Variants in AK6 observed in about 807,000 individuals in gnomAD.
The protein encoded by AK6 is adenylate kinase isoenzyme 6.
AK6 carries 24 observed loss-of-function variants against 23.7 expected under a neutral mutation model. The ratio of observed to expected loss-of-function variants is 1.01; its 90% CI spans 0.73 to 1.43. AK6 has a LOEUF of 1.43. Ranked by LOEUF, AK6 falls within the 40% of genes most tolerant of loss-of-function variation. The pLI is 0.00. For synonymous variants in AK6, 73 were observed against 69.8 expected, an observed-to-expected ratio of 1.05 and a Z score of -0.23; for missense variants, 191 against 199.1, an observed-to-expected ratio of 0.96 and a Z score of 0.24.
chr5:69,362,842 A>G (rs1762277375), intron 2 of AK6, among the ~76,000 whole-genome samples: 1 of 152,234 alleles, frequency 6.6e-6, no homozygotes, highest in Non-Finnish European at 1.5e-5. Flanking sequence ...GGAGGGGGAA[A>G]AAATACTTTT....
At chr5:69,355,614 T>C (rs1762062689) in intron 4 of AK6, 35 bp downstream of exon 4, 1 of 1,550,610 alleles carries the variant, frequency 6.4e-7, no homozygotes, top group Non-Finnish European at 8.7e-7. Flanking sequence ...AAGTTAACAT[T>C]ATGCTTTAAG....
chr5:69,352,380 G>C lies in AK6; in HGVS notation c.327-127C>G, dbSNP rs1761969430. The C allele has an allele frequency of 4.5e-6, 3 of 666,714 alleles. No homozygotes were observed. In the East Asian group the frequency reaches 8.3e-5, roughly 18 times the overall value. The allele number at this position is 666,714 out of a possible 1,614,324, so 41.3% of individuals were successfully genotyped here. ...ATTACAGAAATGGTCTCTTCACCTA[G>C]AGAGGAGTGACTGGTACCTGTTTAT... On this transcript the variant is annotated intron_variant, in intron 4 of 4. Transcript: ENST00000380822.
At chr5:69,369,804 G>A, upstream of AK6, 10 of 1,224,910 alleles carry the variant, frequency 8.2e-6, no homozygotes, top group Non-Finnish European at 1.1e-5. Flanking sequence ...AGTCTGGAAG[G>A]TCCCCGGGAG....
chr5:69,359,096 A>G (rs1580308553), intron 2 of AK6, among the ~76,000 whole-genome samples: 2 of 151,732 alleles, frequency 1.3e-5, no homozygotes, highest in East Asian at 3.9e-4. Flanking sequence ...AAAAAAAAAA[A>G]TTAGCCCAGC....
Position 69,366,565 on chromosome 5 carries a change from C to T in AK6, c.59G>A (p.Gly20Asp). The change falls in exon 2 of 5, where the codon GGC (glycine) becomes GAC (aspartate). Residue 20 changes from glycine to aspartate, a missense_variant. Coordinates refer to ENST00000380822, the MANE Select transcript of AK6 (RefSeq NM_016283.5). ...TCCTGATTTTGACGCAAGTTCTTTG[C>T]CTAGTGTGGTTTTTCCAACCCCTGG... ...GTPGVGKTTL[G>D]KELASKSGLK... is the part of the protein sequence containing the mutation. 1 of 1,614,018 alleles carries T rather than the reference C, an allele frequency of 6.2e-7. No individual in the cohort carries two copies. Among genetic ancestry groups the T allele is most frequent in the Non-Finnish European group, 8.5e-7 (1 of 1,179,986 alleles).
intron 4 of AK6, among the ~76,000 whole-genome samples, chr5:69,352,843 T>C (rs535863722): frequency 2.6e-5 from 4 of 152,110 alleles, no homozygotes; most frequent in Admixed American, 2.0e-4. Flanking sequence ...CTGGCAGTTA[T>C]TGGAAGGGTC....
upstream of AK6, chr5:69,369,612 C>G: frequency 6.3e-7 from 1 of 1,578,328 alleles, no homozygotes; most frequent in Non-Finnish European, 8.6e-7. Context: ...CCCACCGCGG[C>G]GCCCCTAGCC....
At chr5:69,352,361 G>T in intron 4 of AK6, 108 bp from the exon 5 acceptor site, 1 of 818,428 alleles carries the variant, frequency 1.2e-6, no homozygotes, top group Non-Finnish European at 1.9e-6. Flanking sequence ...AAAAATTACA[G>T]AAATGGTCTC....
Position 69,351,051 on chromosome 5 carries a change from G to C in AK6, c.*1010C>G, listed in dbSNP as rs1010957640. 5.9e-5 allele frequency: 9 copies of C among 152,244 alleles called. No individual in the cohort carries two copies. The highest frequency in any genetic ancestry group is 2.2e-4 in the African/African-American group (9 of 41,454). The allele number at this position is 152,244 out of a possible 1,614,324, so 9.4% of individuals were successfully genotyped here. ...ATCCATAGAGACAGAAAGTAGACTA[G>C]TGACTGCAAGGGGATGAGGAGGAAA... On this transcript the variant is annotated 3_prime_UTR_variant, in exon 5 of 5. Coordinates refer to ENST00000380822, the MANE Select transcript of AK6 (RefSeq NM_016283.5).
rs1041518232 is a variant in AK6, at chr5:69,355,757, C to G, written c.218G>C (p.Gly73Ala). ...ACAACCATGGTAATCAACAATAACT[C>G]CACCTTCTCTCATTTGGTTATCTAA... ...DELDNQMREG[G>A]VIVDYHGCDF... The change falls in exon 4 of 5, where the codon GGA becomes GCA. Residue 73 changes from glycine (G) to alanine (A), a missense_variant. Gly to Ala is a moderately conservative substitution (Grantham distance 60). Coordinates refer to ENST00000380822, the MANE Select transcript of AK6 (RefSeq NM_016283.5). 6.2e-7 allele frequency: 1 copy of G among 1,612,824 alleles called. No individual in the cohort carries two copies. Among genetic ancestry groups the G allele is most frequent in the African/African-American group, 1.3e-5 (1 of 74,864 alleles).
Position 69,355,756 on chromosome 5 carries a change from T to G in AK6, c.219A>C (p.Gly73=). Residue 73 remains glycine (G), a synonymous_variant, in exon 4 of 5, where the codon GGA becomes GGC. Transcript: ENST00000380822. ...CACAACCATGGTAATCAACAATAACTCCACCTTCTCTCATTTGGTTATCTA... is the reference window on the plus strand; with the variant it reads ...CACAACCATGGTAATCAACAATAACGCCACCTTCTCTCATTTGGTTATCTA... ...DELDNQMREG[G]VIVDYHGCDF... The G allele has an allele frequency of 6.2e-7, 1 of 1,612,908 alleles. No homozygotes were observed. The highest frequency in any genetic ancestry group is 8.5e-7 in the Non-Finnish European group (1 of 1,179,770).
chr5:69,367,908 T>C (rs1762543433), intron 1 of AK6: 1 of 152,234 alleles, frequency 6.6e-6, no homozygotes, highest in Admixed American at 6.5e-5. Flanking sequence ...CTCGCGCGTG[T>C]AATCCCAGCA....
chr5:69,353,655 AC>A (rs1342670636), intron 4 of AK6, among the ~76,000 whole-genome samples: 1 of 152,230 alleles, frequency 6.6e-6, no homozygotes, highest in African/African-American at 2.4e-5. Flanking sequence ...ATACAAAAAA[AC>A]AAATGAGCAA....
At chr5:69,365,620 A>T in intron 2 of AK6, 1 of 1,614,118 alleles carries the variant, frequency 6.2e-7, no homozygotes, top group African/African-American at 1.3e-5. Flanking sequence ...GCAAACTCCA[A>T]CATCTGATTT....
At chr5:69,365,058 GTAA>G in intron 2 of AK6, 5 of 1,613,974 alleles carry the variant, frequency 3.1e-6, no homozygotes, top group Non-Finnish European at 4.2e-6. Context: ...CATATTAGTG[GTAA>G]TAAGAATGTT....
intron 2 of AK6, among the ~76,000 whole-genome samples, chr5:69,361,969 C>CTTTTTTT (rs112797204): frequency 1.9e-5 from 2 of 104,838 alleles, no homozygotes; most frequent in African/African-American, 3.4e-5. Flanking sequence ...ACTTGATTCC[C>CTTTTTTT]TTTTTTTTTT....
intron 2 of AK6, among the ~76,000 whole-genome samples, chr5:69,362,895 T>C (rs1399118391): frequency 7.2e-5 from 11 of 152,098 alleles, no homozygotes; most frequent in Non-Finnish European, 1.6e-4. Flanking sequence ...ATCTCACTAA[T>C]AACAAAGAGG....
chr5:69,357,721 TA>T (rs1228857603), intron 2 of AK6, among the ~76,000 whole-genome samples: 35 of 152,204 alleles, frequency 2.3e-4, no homozygotes, highest in African/African-American at 8.2e-4. Flanking sequence ...AAAATGAGTC[TA>T]TATTTATGCC....
chr5:69,352,683 A>T (rs934457145), intron 4 of AK6, among the ~76,000 whole-genome samples: 4 of 152,236 alleles, frequency 2.6e-5, no homozygotes, highest in Non-Finnish European at 5.9e-5. Context: ...GGAAATGCAA[A>T]TCAAAATTAC....
Sources: allele counts gnomAD v4.1 joint callset (sites outside exome capture counted in the v4.1 genomes callset), GRCh38; gene constraint gnomAD v4.1.1; transcripts MANE v1.5; gene names NCBI Gene and HGNC (gene_info 2026-07-23, HGNC 2026-07-21).